EPHA6: variants seen among roughly 807,000 people sequenced by gnomAD.
EPHA6 encodes EPH receptor A6, also known as ephrin type-A receptor 6.
EPHA6 carries 50 observed loss-of-function variants against 112.0 expected under a neutral mutation model. The observed-to-expected ratio is 0.45, with a 90% CI of 0.36 to 0.56. The LOEUF (loss-of-function observed/expected upper bound fraction) is 0.56, where lower values mean the gene tolerates loss of function less well. EPHA6 is among the 20% of genes least tolerant of loss of function. The probability of loss-of-function intolerance (pLI) is 0.00; values close to 1 mark genes in which losing one functional copy is unlikely to be tolerated. For synonymous variants in EPHA6, 529 were observed against 490.7 expected (o/e 1.08, Z -1.03); for missense variants, 1,280 against 1,417.4 (o/e 0.90, Z 1.56).
At chr3:96,944,605 T>C (rs552669892) in intron 2 of EPHA6, among the ~76,000 whole-genome samples, 1 of 152,326 alleles carries the variant, frequency 6.6e-6, no homozygotes, top group Non-Finnish European at 1.5e-5. Context: ...ACGCCTGTAA[T>C]CCCAGCACTT....
intron 7 of EPHA6, among the ~76,000 whole-genome samples, chr3:97,465,230 C>T (rs1044201952): frequency 1.3e-5 from 2 of 152,006 alleles, no homozygotes; most frequent in African/African-American, 4.8e-5. Context: ...TCATTTTTTA[C>T]TTAACTCAAT....
At chr3:96,858,267 T>A (rs10934673) in intron 1 of EPHA6, among the ~76,000 whole-genome samples, 6,258 of 152,122 alleles carry the variant, frequency 0.041, 392 homozygotes, top group African/African-American at 0.13. Context: ...CAGAGTCTAT[T>A]GAGAGCTAAG....
chr3:97,005,198 A>C (rs1183977052), intron 3 of EPHA6, among the ~76,000 whole-genome samples: 1 of 152,186 alleles, frequency 6.6e-6, no homozygotes, highest in Non-Finnish European at 1.5e-5. Context: ...TCTATAAATT[A>C]CTTTGAGCAG....
rs958934241 is a variant in EPHA6, at chr3:97,752,240, C to T, written c.*3539C>T. 5 of 222,166 alleles carry T rather than the reference C, an allele frequency of 2.3e-5. No individual in the cohort carries two copies. Among genetic ancestry groups the T allele is most frequent in the South Asian group, 1.8e-4 (1 of 5,426 alleles). The allele number at this position is 222,166 out of a possible 1,614,324, so 13.8% of individuals were successfully genotyped here. A position where few individuals can be genotyped will look rare whatever the true frequency, so the allele number is the denominator to read the frequency against. ...CATGAATGGAAAACAAATCCAAATC[C>T]GATCCTTGAAAAGCAAAGGCTCTAA... On this transcript the variant is annotated 3_prime_UTR_variant, in exon 18 of 18. Coordinates refer to ENST00000389672, the MANE Select transcript of EPHA6 (RefSeq NM_001080448.3).
At chr3:97,520,659 G>A (rs1428620968) in intron 10 of EPHA6, among the ~76,000 whole-genome samples, 2 of 152,098 alleles carry the variant, frequency 1.3e-5, no homozygotes, top group African/African-American at 4.8e-5. Flanking sequence ...TTTGACTTTT[G>A]AGAGTTTGAC....
At chr3:97,246,724 A>G (rs1161978376) in intron 5 of EPHA6, among the ~76,000 whole-genome samples, 1 of 151,886 alleles carries the variant, frequency 6.6e-6, no homozygotes. Flanking sequence ...TCATGTATAT[A>G]CTAATAAAAT....
intron 16 of EPHA6, among the ~76,000 whole-genome samples, chr3:97,737,682 T>C (rs964063170): frequency 6.6e-6 from 1 of 151,936 alleles, no homozygotes; most frequent in African/African-American, 2.4e-5. Context: ...ATCTAGACAG[T>C]TATATTTATA....
In EPHA6 at chr3:97,339,071, C is replaced by T. The variant is rs1400101627; in HGVS notation, c.1607-66079C>T. On this transcript the variant is annotated intron_variant, in intron 5 of 17. Coordinates refer to ENST00000389672, the MANE Select transcript of EPHA6 (RefSeq NM_001080448.3). ...CTTAGAGAAGGGAGAAGCCTGACCT[C>T]TCACCATCTTCAGTGATTTATTGAT... Among the ~76,000 whole-genome samples, 3 of 152,168 alleles carry T rather than the reference C, an allele frequency of 2.0e-5. No individual in the cohort carries two copies. In the East Asian group the frequency reaches 5.8e-4, roughly 29 times the overall value.
rs78342306 is a variant in EPHA6 at position 96,827,189 on chromosome 3, G to A, written c.385+12181G>A. Among the ~76,000 whole-genome samples, 32 of 152,174 alleles carry A rather than the reference G, an allele frequency of 2.1e-4. 1 individual carries two copies. In the East Asian group the frequency reaches 6.0e-3, roughly 29 times the overall value. ...GCACTGATCCTAAAGCCTCACACAC[G>A]TTATAGTCTTCTCATTTGTCCAGCT... On this transcript the variant is annotated intron_variant, in intron 1 of 17. Transcript: ENST00000389672.
At chr3:97,521,648 G>A (rs2092544933) in intron 10 of EPHA6, among the ~76,000 whole-genome samples, 1 of 152,126 alleles carries the variant, frequency 6.6e-6, no homozygotes, top group African/African-American at 2.4e-5. Flanking sequence ...CATGACACAT[G>A]GGGATTATGG....
intron 5 of EPHA6, among the ~76,000 whole-genome samples, chr3:97,391,675 T>C (rs1240848925): frequency 2.0e-5 from 3 of 151,884 alleles, no homozygotes; most frequent in African/African-American, 7.2e-5. Context: ...TCACAAGGAA[T>C]AGAGAGTAAA....
intron 3 of EPHA6, among the ~76,000 whole-genome samples, chr3:97,046,365 A>G (rs370682668): frequency 2.0e-5 from 3 of 152,176 alleles, no homozygotes; most frequent in Non-Finnish European, 2.9e-5. Flanking sequence ...GATAGATTTT[A>G]ACACCTACCC....
intron 13 of EPHA6, among the ~76,000 whole-genome samples, chr3:97,631,198 A>G (rs2093899955): frequency 6.6e-6 from 1 of 152,056 alleles, no homozygotes; most frequent in Admixed American, 6.6e-5. Context: ...TTTTTGTACC[A>G]AAGGACGATC....
At chr3:97,589,425 C>T (rs982859263) in intron 11 of EPHA6, among the ~76,000 whole-genome samples, 9 of 151,956 alleles carry the variant, frequency 5.9e-5, no homozygotes, top group African/African-American at 1.9e-4. Flanking sequence ...CCCACTGTCT[C>T]GTTACATGAC....
chr3:96,933,919 A>G (rs1038360455), intron 2 of EPHA6, among the ~76,000 whole-genome samples: 16 of 152,002 alleles, frequency 1.1e-4, no homozygotes, highest in Non-Finnish European at 2.1e-4. Context: ...ATTATTTGGA[A>G]GAAATGGCTT....
At chr3:96,866,160 T>G (rs1348141856) in intron 1 of EPHA6, among the ~76,000 whole-genome samples, 1 of 152,116 alleles carries the variant, frequency 6.6e-6, no homozygotes, top group African/African-American at 2.4e-5. Context: ...TGCTAAGATG[T>G]TAATATAATC....
intron 3 of EPHA6, among the ~76,000 whole-genome samples, chr3:97,161,440 C>T (rs565395241): frequency 7.9e-5 from 12 of 152,208 alleles, no homozygotes; most frequent in Admixed American, 4.6e-4. Flanking sequence ...TTGTATGGCT[C>T]ATAGTGGAAG....
intron 2 of EPHA6, among the ~76,000 whole-genome samples, chr3:96,916,041 T>A (rs781245963): frequency 1.3e-5 from 2 of 152,120 alleles, no homozygotes; most frequent in Non-Finnish European, 2.9e-5. Context: ...CTTTAACTAA[T>A]TTATTATTTA....
intron 5 of EPHA6, among the ~76,000 whole-genome samples, chr3:97,394,517 T>C (rs545980038): frequency 8.6e-5 from 13 of 151,806 alleles, no homozygotes; most frequent in East Asian, 1.9e-4. Context: ...TTGTAAACTA[T>C]GAATGTGAAA....
Sources: gnomAD v4.1 joint callset for allele counts (sites outside exome capture counted in the v4.1 genomes callset) on GRCh38, gnomAD v4.1.1 for gene constraint, MANE v1.5 for transcripts, NCBI Gene and HGNC (gene_info 2026-07-23, HGNC 2026-07-21) for gene names.